The following TNRC6A variants were observed in gnomAD, a reference collection of about 807,000 sequenced individuals.
TNRC6A encodes the protein trinucleotide repeat-containing gene 6A protein.
Under a neutral mutation model 221.2 loss-of-function variants are expected in TNRC6A, and 44 were observed. That is an observed-to-expected ratio of 0.20 (90% CI 0.16 to 0.26). The LOEUF is 0.26. TNRC6A is among the 10% of genes least tolerant of loss of function. The pLI, the probability that TNRC6A is intolerant of heterozygous loss-of-function variation, is 1.00. For synonymous variants in TNRC6A, 847 were observed against 838.5 expected (o/e 1.01, Z -0.18); for missense variants, 2,199 against 2,404.4 (o/e 0.91, Z 1.79).
At chr16:24,612,422 CCA>C (rs1380173401) in intron 1 of TNRC6A, among the ~76,000 whole-genome samples, 2 of 151,776 alleles carry the variant, frequency 1.3e-5, no homozygotes, top group African/African-American at 4.9e-5. Context: ...TCTCCAGCGT[CCA>C]CACAGTTAAC....
chr16:24,806,042 A>G (rs1246126317), intron 15 of TNRC6A, among the ~76,000 whole-genome samples, 164 bp from the exon 16 acceptor site: 1 of 152,218 alleles, frequency 6.6e-6, no homozygotes, highest in East Asian at 1.9e-4. Flanking sequence ...AGCAGTGACT[A>G]GAAACCAGAG....
chr16:24,799,592 A>G (rs1282274520), intron 11 of TNRC6A, among the ~76,000 whole-genome samples: 2 of 152,256 alleles, frequency 1.3e-5, no homozygotes, highest in East Asian at 1.9e-4. Context: ...ACTTGTGAAT[A>G]AGGTAAAAAC....
intron 2 of TNRC6A, among the ~76,000 whole-genome samples, chr16:24,688,284 C>T (rs533235508): frequency 1.3e-5 from 2 of 152,172 alleles, no homozygotes; most frequent in South Asian, 4.1e-4. Context: ...CCTACTCATT[C>T]TTGTATTCAT....
intron 4 of TNRC6A, among the ~76,000 whole-genome samples, chr16:24,776,145 A>T (rs923119044): frequency 1.3e-5 from 2 of 152,120 alleles, no homozygotes; most frequent in Non-Finnish European, 2.9e-5. Flanking sequence ...CTCATACACC[A>T]TGCATCTCTG....
Position 24,804,422 on chromosome 16 carries a change from C to G in TNRC6A, c.3837+103C>G, listed in dbSNP as rs537906470. ...ACCTTTTATATAATATAAAGTGTTA[C>G]AATCCACTACCAAATCTTATTACTG... On this transcript the variant is annotated intron_variant, in intron 12 of 24. Transcript: ENST00000395799. 9.3e-5 allele frequency: 122 copies of G among 1,317,230 alleles called. 1 individual carries two copies. Among genetic ancestry groups the G allele is most frequent in the Non-Finnish European group, 1.2e-4 (116 of 972,468 alleles). 81.6% of individuals were successfully genotyped at this position (1,317,230 alleles called of 1,614,324 possible).
chr16:24,739,077 A>G (rs1378152234), intron 2 of TNRC6A, among the ~76,000 whole-genome samples: 2 of 152,146 alleles, frequency 1.3e-5, no homozygotes, highest in Non-Finnish European at 2.9e-5. Flanking sequence ...GCTCTGTTTA[A>G]CTTTTTGAGG....
At chr16:24,811,015 AC>A (rs2058532107) in intron 18 of TNRC6A, among the ~76,000 whole-genome samples, 1 of 152,200 alleles carries the variant, frequency 6.6e-6, no homozygotes, top group African/African-American at 2.4e-5. Flanking sequence ...TCAGACAAAT[AC>A]AGGACGGACC....
chr16:24,702,950 A>G (rs7184364), intron 2 of TNRC6A, among the ~76,000 whole-genome samples: 103,296 of 151,556 alleles, frequency 0.68, 35,657 homozygotes, highest in East Asian at 0.89. Context: ...CAGGAGAATG[A>G]TGTGAACCCA....
chr16:24,689,881 C>T (rs988395476), intron 2 of TNRC6A, among the ~76,000 whole-genome samples: 1 of 150,550 alleles, frequency 6.6e-6, no homozygotes, highest in Non-Finnish European at 1.5e-5. Flanking sequence ...TCCCAGTTAG[C>T]TAGGACTATA....
intron 19 of TNRC6A, chr16:24,816,065 C>G (rs539375737): frequency 2.6e-5 from 4 of 152,308 alleles, no homozygotes; most frequent in African/African-American, 7.3e-5. Flanking sequence ...TGGCTCATGC[C>G]TGTAATCCTA....
intron 1 of TNRC6A, among the ~76,000 whole-genome samples, chr16:24,639,258 G>A (rs1019599508): frequency 1.3e-5 from 2 of 152,302 alleles, no homozygotes; most frequent in South Asian, 4.1e-4. Flanking sequence ...GCCGAGGCAG[G>A]AGAATTATGT....
intron 18 of TNRC6A, among the ~76,000 whole-genome samples, chr16:24,811,250 G>C (rs2058537652): frequency 6.6e-6 from 1 of 152,160 alleles, no homozygotes; most frequent in African/African-American, 2.4e-5. Context: ...AGAAAAGTCT[G>C]ATTTGTTAAG....
chr16:24,665,171 G>A (rs2141950668), intron 2 of TNRC6A: 1 of 320,818 alleles, frequency 3.1e-6, no homozygotes. Flanking sequence ...CTGGGCTCAA[G>A]CCATCCTCCC....
At position 24,730,241 on chromosome 16, in the gene TNRC6A, T is replaced by C; in HGVS notation, c.6-12T>C. 2 of 1,601,674 alleles carry C rather than the reference T, an allele frequency of 1.2e-6. No individual in the cohort carries two copies. The highest frequency in any genetic ancestry group is 2.2e-5 in the South Asian group (2 of 89,916). On this transcript the variant is annotated splice_polypyrimidine_tract_variant and intron_variant, in intron 1 of 24. Coordinates refer to ENST00000395799, the MANE Select transcript of TNRC6A (RefSeq NM_014494.4). Reference sequence around the variant, plus strand: ...TTTTTGTTTTGTTTTTGTTTTTGTTTTTTTGTTTCAGAGAATTGGAAGCTA... The same window carrying C: ...TTTTTGTTTTGTTTTTGTTTTTGTTCTTTTGTTTCAGAGAATTGGAAGCTA...
chr16:24,696,066 G>A (rs1205431338), intron 2 of TNRC6A, among the ~76,000 whole-genome samples: 5 of 152,118 alleles, frequency 3.3e-5, no homozygotes, highest in Non-Finnish European at 5.9e-5. Context: ...GAAAGTATGA[G>A]GGCCGAGAGC....
At position 24,824,586 on chromosome 16, in the gene TNRC6A, A is replaced by G. The variant is rs2058835757; in HGVS notation, c.*779A>G. ...GATTTTTTTGTTTGTTTTTTGAGAA[A>G]AAAAAATGTTTACTCTTCCATCATT... is the stretch of plus-strand genomic sequence containing the variant. On this transcript the variant is annotated 3_prime_UTR_variant, in exon 25 of 25. Coordinates refer to ENST00000395799, the MANE Select transcript of TNRC6A (RefSeq NM_014494.4). 1 of 152,178 alleles carries G rather than the reference A, an allele frequency of 6.6e-6. No individual in the cohort carries two copies. Among genetic ancestry groups the G allele is most frequent in the African/African-American group, 2.4e-5 (1 of 41,290 alleles). 9.4% of individuals were successfully genotyped at this position (152,178 alleles called of 1,614,324 possible).
At position 24,712,272 on chromosome 16, in the gene TNRC6A, T is replaced by C. The variant is rs192709107; in HGVS notation, n.403-38454T>C. Among the ~76,000 whole-genome samples, 621 of 152,334 alleles carry C rather than the reference T, an allele frequency of 4.1e-3. 6 individuals carry two copies. Among genetic ancestry groups the C allele is most frequent in the African/African-American group, 0.014 (590 of 41,580 alleles). On this transcript the variant is annotated intron_variant and non_coding_transcript_variant, in intron 2 of 2. Transcript: ENST00000566108. ...CTCCTGCCTTGGCCTCCCAAAGGGC[T>C]GAGATTACAGGCATGAGCCACCACA...
intron 2 of TNRC6A, among the ~76,000 whole-genome samples, chr16:24,668,117 C>T (rs768672452): frequency 4.6e-5 from 7 of 152,176 alleles, no homozygotes; most frequent in South Asian, 4.1e-4. Context: ...CACCTGAGGT[C>T]GGGAGTTCAA....
At chr16:24,815,103 G>A in intron 18 of TNRC6A, 44 bp from the exon 19 acceptor site, 8 of 1,592,490 alleles carry the variant, frequency 5.0e-6, no homozygotes, top group Non-Finnish European at 6.0e-6. Context: ...AAATAAATCT[G>A]TGTGTATTTT....
Sources: gnomAD v4.1 joint callset for allele counts (sites outside exome capture counted in the v4.1 genomes callset) on GRCh38, gnomAD v4.1.1 for gene constraint, MANE v1.5 for transcripts, NCBI Gene and HGNC (gene_info 2026-07-23, HGNC 2026-07-21) for gene names.